NARS2: variants seen among roughly 807,000 people sequenced by gnomAD.
NARS2 encodes asparaginyl-tRNA synthetase.
A neutral mutation model predicts 62.9 loss-of-function variants in NARS2; 60 were observed. That is an observed-to-expected ratio of 0.95 (90% CI 0.77 to 1.18). The LOEUF (loss-of-function observed/expected upper bound fraction) is 1.18, where lower values mean the gene tolerates loss of function less well. Among genes scored for constraint, NARS2 ranks in the 50% most tolerant of loss-of-function variants. NARS2 has a pLI of 0.00. For synonymous variants in NARS2, 196 were observed against 200.0 expected, an observed-to-expected ratio of 0.98 and a Z score of 0.17; for missense variants, 619 against 576.4, an observed-to-expected ratio of 1.07 and a Z score of -0.76.
At chr11:78,554,500 C>CGTGTGCGT (rs1555041386) in intron 5 of NARS2, among the ~76,000 whole-genome samples, 1 of 42,498 alleles carries the variant, frequency 2.4e-5, no homozygotes, top group African/African-American at 5.1e-5. Flanking sequence ...TATTCCTAGG[C>CGTGTGCGT]GTGTGTGCGT....
At chr11:78,443,871 G>T (rs1857659294) in intron 11 of NARS2, 113 bp from the exon 12 acceptor site, 2 of 674,650 alleles carry the variant, frequency 3.0e-6, no homozygotes, top group South Asian at 1.7e-5. Flanking sequence ...CTACCTACCA[G>T]AATCTTACTG....
intron 5 of NARS2, among the ~76,000 whole-genome samples, chr11:78,545,856 A>G (rs537698953): frequency 2.0e-5 from 3 of 152,204 alleles, no homozygotes; most frequent in African/African-American, 7.2e-5. Context: ...CTTTTTGAAC[A>G]TCTTTTCAGT....
At chr11:78,535,092 T>C (rs1383575714) in intron 5 of NARS2, among the ~76,000 whole-genome samples, 2 of 152,230 alleles carry the variant, frequency 1.3e-5, no homozygotes. Context: ...AGCTGAACTT[T>C]TTAATAAGTA....
In NARS2 at chr11:78,441,117, T is replaced by C; in HGVS notation, c.1263A>G (p.Arg421=). ...ATTGGTAGACTTCTGTAAGTCCCGA[T>C]CTGTTTAAAGGAAAATAAAATTCTT... is the stretch of plus-strand genomic sequence containing the variant. The part of the protein sequence containing the change: ...RYHFLEERLA[R]SGLTEVYQWY... Residue 421 remains arginine, a splice_region_variant and synonymous_variant, in exon 13 of 14, where the codon AGA becomes AGG. Transcript: ENST00000281038. The C allele has an allele frequency of 6.2e-7, 1 of 1,611,924 alleles. No homozygotes were observed. The highest frequency in any genetic ancestry group is 1.3e-5 in the African/African-American group (1 of 74,956).
intron 12 of NARS2, among the ~76,000 whole-genome samples, chr11:78,441,571 T>G (rs1246050532): frequency 6.6e-6 from 1 of 151,574 alleles, no homozygotes. Flanking sequence ...ATTAGCTGGG[T>G]GTGGTGGTGT....
intron 11 of NARS2, among the ~76,000 whole-genome samples, chr11:78,454,418 T>C (rs1858079853): frequency 1.3e-5 from 2 of 152,116 alleles, no homozygotes; most frequent in African/African-American, 4.8e-5. Flanking sequence ...GAGAACTGGT[T>C]GTTTAAAACA....
intron 6 of NARS2, among the ~76,000 whole-genome samples, chr11:78,514,366 G>A (rs903649033): frequency 6.6e-6 from 1 of 152,066 alleles, no homozygotes; most frequent in Non-Finnish European, 1.5e-5. Flanking sequence ...AAAGTGATCT[G>A]ACCACCTCAG....
intron 5 of NARS2, among the ~76,000 whole-genome samples, chr11:78,538,811 C>G (rs1029107364): frequency 6.6e-6 from 1 of 150,696 alleles, no homozygotes; most frequent in Non-Finnish European, 1.5e-5. Flanking sequence ...CTGGCTAACA[C>G]GGTGAAACCC....
chr11:78,444,705 C>T (rs1200792047), intron 11 of NARS2, among the ~76,000 whole-genome samples: 6 of 122,114 alleles, frequency 4.9e-5, no homozygotes, highest in Non-Finnish European at 9.7e-5. Context: ...GGCGACAGAG[C>T]AAGACTCTGT....
At chr11:78,475,580 C>CTTTTTTTTTT (rs377023107) in intron 9 of NARS2, among the ~76,000 whole-genome samples, 3 of 93,976 alleles carry the variant, frequency 3.2e-5, no homozygotes, top group African/African-American at 8.4e-5. Flanking sequence ...TATCATTTGA[C>CTTTTTTTTTT]TTTTTTTTTT....
chr11:78,563,215 ATTTTTTTTT>A (rs71046983), intron 4 of NARS2, among the ~76,000 whole-genome samples: 2 of 115,720 alleles, frequency 1.7e-5, no homozygotes, highest in African/African-American at 3.4e-5. Flanking sequence ...AACCACTTGA[ATTTTTTTTT>A]TTTTTTTTTT....
intron 11 of NARS2, among the ~76,000 whole-genome samples, chr11:78,447,638 A>C (rs192936973): frequency 6.6e-6 from 1 of 152,256 alleles, no homozygotes; most frequent in Admixed American, 6.5e-5. Context: ...TATTGTGTAT[A>C]TATATACACA....
At chr11:78,484,065 G>A (rs925721035) in intron 7 of NARS2, among the ~76,000 whole-genome samples, 3 of 152,110 alleles carry the variant, frequency 2.0e-5, no homozygotes, top group African/African-American at 7.2e-5. Context: ...GAACAAAACA[G>A]AGACCTCAGA....
At chr11:78,509,210 T>C (rs1206333400) in intron 6 of NARS2, among the ~76,000 whole-genome samples, 2 of 151,930 alleles carry the variant, frequency 1.3e-5, no homozygotes, top group Non-Finnish European at 2.9e-5. Context: ...AAAAGAAATG[T>C]CAATAAAAAA....
intron 5 of NARS2, chr11:78,555,181 T>C (rs7938816): frequency 0.79 from 120,595 of 152,082 alleles, 48,184 homozygotes; most frequent in African/African-American, 0.83. Context: ...GGTTACTAGC[T>C]TGATATTTTC....
chr11:78,544,031 A>C (rs1355493782), intron 5 of NARS2, among the ~76,000 whole-genome samples: 1 of 151,068 alleles, frequency 6.6e-6, no homozygotes, highest in Non-Finnish European at 1.5e-5. Flanking sequence ...AAAAAAAAAA[A>C]AAAAAAAAAC....
Position 78,574,590 on chromosome 11 carries a change from C to G in NARS2, c.-102G>C, listed in dbSNP as rs1222085585. ...CTCAGCTGCTCCCCTTCCGCGGCCG[C>G]AGCTCTGCTCTAAGGCACTCCAGAG... On this transcript the variant is annotated 5_prime_UTR_variant, in exon 1 of 14. Coordinates refer to ENST00000281038, the MANE Select transcript of NARS2 (RefSeq NM_024678.6). 2 of 1,354,790 alleles carry G rather than the reference C, an allele frequency of 1.5e-6. No individual in the cohort carries two copies. Among genetic ancestry groups the G allele is most frequent in the East Asian group, 5.0e-5 (2 of 39,804 alleles). The allele number at this position is 1,354,790 out of a possible 1,614,324, so 83.9% of individuals were successfully genotyped here.
chr11:78,507,290 G>T (rs888837986), intron 6 of NARS2, among the ~76,000 whole-genome samples: 9 of 151,944 alleles, frequency 5.9e-5, no homozygotes, highest in African/African-American at 2.2e-4. Context: ...TGGGGAAAAT[G>T]AGAAAGTGAT....
chr11:78,507,500 C>T (rs1860547188), intron 6 of NARS2, among the ~76,000 whole-genome samples: 1 of 148,984 alleles, frequency 6.7e-6, no homozygotes, highest in Non-Finnish European at 1.5e-5. Context: ...GATACAGATG[C>T]CCAGTTTTCA....
Sources: allele counts gnomAD v4.1 joint callset (sites outside exome capture counted in the v4.1 genomes callset), GRCh38; gene constraint gnomAD v4.1.1; transcripts MANE v1.5; gene names NCBI Gene and HGNC (gene_info 2026-07-23, HGNC 2026-07-21).